WT1: variants seen among roughly 807,000 people sequenced by gnomAD.
WT1 encodes Wilms tumor protein.
Under a neutral mutation model 60.8 loss-of-function variants are expected in WT1, and 8 were observed. The ratio of observed to expected loss-of-function variants is 0.13; its 90% CI spans 0.08 to 0.24. The LOEUF (loss-of-function observed/expected upper bound fraction) is 0.24. Ranked by LOEUF, WT1 falls within the 10% of genes least tolerant of loss-of-function variation. WT1 has a pLI of 1.00. For missense variants in WT1, 568 were observed against 711.8 expected (o/e 0.80, Z 2.30); for synonymous variants, 312 against 297.1 (o/e 1.05, Z -0.52).
intron 1 of WT1, among the ~76,000 whole-genome samples, chr11:32,431,583 C>G (rs1358621460): frequency 6.9e-6 from 1 of 145,230 alleles, no homozygotes; most frequent in Non-Finnish European, 1.5e-5. Context: ...ATTATAGGCG[C>G]CCGTCACCAA....
Position 32,434,725 on chromosome 11 carries a change from C to T in WT1, c.636G>A (p.Glu212=). ...CCTGATTGCGAATAGCGGGCTGGCT[C>T]TCGAGGCAGCTGGGCAGGTAGGGCG... Residue 212 remains glutamate, a synonymous_variant, in exon 1 of 10, where the codon GAG becomes GAA. Coordinates refer to ENST00000452863, the MANE Select transcript of WT1 (RefSeq NM_024426.6). 1 of 1,612,990 alleles carries T rather than the reference C, an allele frequency of 6.2e-7. No homozygotes were observed.
rs2132957981 is a variant in WT1, at chr11:32,399,991, G to T, written c.1070C>A (p.Ala357Asp). 6.2e-7 allele frequency: 1 copy of T among 1,614,222 alleles called. No homozygotes were observed. The highest frequency in any genetic ancestry group is 8.5e-7 in the Non-Finnish European group (1 of 1,180,042). ...ACCGTGCGTGTGTATTCTGTATTGG[G>T]CTCCGCAGAGGATGGGCGTTGTGTG... The change falls in exon 6 of 10, where the codon GCC (alanine) becomes GAC (aspartate). Residue 357 changes from alanine to aspartate, a missense_variant. This residue lies in a region of WT1 where 523 missense variants were observed against 565.1 expected (regional missense o/e 0.93). Coordinates refer to ENST00000452863, the MANE Select transcript of WT1 (RefSeq NM_024426.6).
At chr11:32,407,900 A>G (rs1422498736) in intron 5 of WT1, among the ~76,000 whole-genome samples, 1 of 152,192 alleles carries the variant, frequency 6.6e-6, no homozygotes, top group Non-Finnish European at 1.5e-5. Context: ...AAATAAAAAA[A>G]GAAACCCAAA....
chr11:32,400,257 T>C, intron 5 of WT1: 1 of 636,182 alleles, frequency 1.6e-6, no homozygotes, highest in Non-Finnish European at 2.8e-6. Flanking sequence ...CCCTCCCTCA[T>C]CCTCCGATTC....
intron 1 of WT1, 106 bp from the exon 2 acceptor site, chr11:32,428,725 T>C: frequency 6.6e-7 from 1 of 1,516,854 alleles, no homozygotes; most frequent in Non-Finnish European, 8.9e-7. Context: ...GAACCCCGCA[T>C]TCGGACCCCC....
intron 1 of WT1, among the ~76,000 whole-genome samples, chr11:32,432,297 A>G (rs1188663135): frequency 1.3e-5 from 2 of 151,900 alleles, no homozygotes; most frequent in Non-Finnish European, 2.9e-5. Flanking sequence ...CCATTTCCAC[A>G]TTTTTGAGAG....
At chr11:32,402,043 G>C (rs939613771) in intron 5 of WT1, among the ~76,000 whole-genome samples, 1 of 152,150 alleles carries the variant, frequency 6.6e-6, no homozygotes, top group Non-Finnish European at 1.5e-5. Context: ...ACCCAGAGGA[G>C]AGAGTGCCTG....
intron 2 of WT1, 78 bp downstream of exon 2, chr11:32,428,419 T>C: frequency 1.2e-6 from 2 of 1,606,210 alleles, no homozygotes; most frequent in East Asian, 4.5e-5. Flanking sequence ...TAATTTGCTG[T>C]GGGTTAGGAA....
intron 3 of WT1, among the ~76,000 whole-genome samples, chr11:32,418,244 T>TAA (rs35515910): frequency 0.051 from 6,639 of 129,564 alleles, 226 homozygotes; most frequent in Non-Finnish European, 0.079. Flanking sequence ...CAAGTCAAAT[T>TAA]AAAAAAAAAA....
chr11:32,430,966 G>C (rs1260034653), intron 1 of WT1: 1 of 571,840 alleles, frequency 1.7e-6, no homozygotes, highest in Non-Finnish European at 2.2e-6. Context: ...GGAAGGAGCA[G>C]CGTGTTCAAA....
rs1384250949 is a variant in WT1, at chr11:32,429,988, A to AAAG, written c.662-1370_662-1369insCTT. Among the ~76,000 whole-genome samples the AAAG allele has an allele frequency of 9.7e-5, 13 of 134,052 alleles. No individual in the cohort carries two copies. The East Asian group carries it at 1.6e-3, about 16-fold the overall frequency. 87.9% of individuals were successfully genotyped at this position (134,052 alleles called of 152,430 possible). ...ACCACCCCCCGCCCAGAAAAAAAAAAAAAGAAAAAGAAAAAAAAAAAGCTT... is the reference window on the plus strand; with the variant it reads ...ACCACCCCCCGCCCAGAAAAAAAAAAAAGAAAGAAAAAGAAAAAAAAAAAGCTT... On this transcript the variant is annotated intron_variant, in intron 1 of 9. Coordinates refer to ENST00000452863, the MANE Select transcript of WT1 (RefSeq NM_024426.6).
intron 3 of WT1, among the ~76,000 whole-genome samples, chr11:32,425,536 C>T (rs1377969063): frequency 6.6e-6 from 1 of 152,122 alleles, no homozygotes; most frequent in Admixed American, 6.5e-5. Context: ...TGCACAGACC[C>T]AGGTTTAAAA....
chr11:32,435,186 G>T lies in WT1; in HGVS notation c.175C>A (p.Gln59Lys). Residue 59 changes from glutamine (Q) to lysine (K), a missense_variant, in exon 1 of 10, where the codon CAG becomes AAG. Gln to Lys is a moderately conservative substitution (Grantham distance 53). Around this residue, in one of 3 missense-constraint regions of WT1, gnomAD observed 523 missense variants for 565.1 expected, o/e 0.93. Transcript: ENST00000452863. ...GACGCCCCGCGGCTCCTCCGGCCCT[G>T]GAGACGTTCAGCGCTGGCCTCGGCG... is the stretch of plus-strand genomic sequence containing the variant. 1 of 1,526,666 alleles carries T rather than the reference G, an allele frequency of 6.6e-7. No individual in the cohort carries two copies. The highest frequency in any genetic ancestry group is 8.8e-7 in the Non-Finnish European group (1 of 1,142,302). 94.6% of individuals were successfully genotyped at this position (1,526,666 alleles called of 1,614,324 possible).
intron 6 of WT1, among the ~76,000 whole-genome samples, chr11:32,398,786 T>C (rs927792515): frequency 1.3e-5 from 2 of 151,040 alleles, no homozygotes; most frequent in African/African-American, 4.9e-5. Flanking sequence ...AGGAGAAACC[T>C]TACATGCATA....
intron 2 of WT1, among the ~76,000 whole-genome samples, chr11:32,428,289 CTTAG>C (rs1364273182): frequency 1.3e-5 from 2 of 152,234 alleles, no homozygotes; most frequent in African/African-American, 4.8e-5. Context: ...CATTCATAGA[CTTAG>C]TTGGATGGCG....
chr11:32,417,293 G>A, intron 4 of WT1: 3 of 435,070 alleles, frequency 6.9e-6, no homozygotes, highest in Non-Finnish European at 1.3e-5. Context: ...ATTATTAAAT[G>A]AGGTTGAATA....
At chr11:32,407,005 G>C (rs547778760) in intron 5 of WT1, among the ~76,000 whole-genome samples, 387 of 152,062 alleles carry the variant, frequency 2.5e-3, no homozygotes, top group Non-Finnish European at 3.8e-3. Flanking sequence ...AGGCTGAGTC[G>C]AGAGAATCGC....
chr11:32,407,329 C>A (rs775798561), intron 5 of WT1, among the ~76,000 whole-genome samples: 3 of 152,176 alleles, frequency 2.0e-5, no homozygotes, highest in Admixed American at 1.3e-4. Flanking sequence ...ATTCCACAGG[C>A]ACATGAAGAT....
At chr11:32,400,956 A>C (rs1278457896) in intron 5 of WT1, among the ~76,000 whole-genome samples, 1 of 152,232 alleles carries the variant, frequency 6.6e-6, no homozygotes, top group Admixed American at 6.5e-5. Context: ...GTTCCTCAAA[A>C]GGTTAGACAT....
Sources: gnomAD v4.1 joint callset for allele counts (sites outside exome capture counted in the v4.1 genomes callset) on GRCh38, gnomAD v4.1.1 for gene constraint, gnomAD v4.1.1 regional missense constraint, MANE v1.5 for transcripts, NCBI Gene and HGNC (gene_info 2026-07-23, HGNC 2026-07-21) for gene names.